ATP8B1: variants seen among roughly 807,000 people sequenced by gnomAD.
ATP8B1 encodes the protein phospholipid-transporting ATPase IC.
ATP8B1 carries 80 observed loss-of-function variants against 149.9 expected under a neutral mutation model. The ratio of observed to expected loss-of-function variants is 0.53; its 90% CI spans 0.45 to 0.64. The LOEUF (loss-of-function observed/expected upper bound fraction) is 0.64, where lower values mean the gene tolerates loss of function less well. Among genes scored for constraint, ATP8B1 ranks in the 30% least tolerant of loss-of-function variants. The pLI is 0.00. For synonymous variants in ATP8B1, 536 were observed against 562.8 expected (o/e 0.95, Z 0.67); for missense variants, 1,247 against 1,552.6 (o/e 0.80, Z 3.31).
At chr18:57,668,120 G>A in intron 19 of ATP8B1, 2 of 1,345,820 alleles carry the variant, frequency 1.5e-6, no homozygotes, top group Non-Finnish European at 1.9e-6. Flanking sequence ...GAAGGACAGA[G>A]GGACAAGAGG....
At chr18:57,762,409 G>T (rs958788885) in intron 1 of ATP8B1, among the ~76,000 whole-genome samples, 7 of 152,124 alleles carry the variant, frequency 4.6e-5, no homozygotes, top group African/African-American at 1.7e-4. Flanking sequence ...GAAGTGCTGA[G>T]ATTACAGGTG....
chr18:57,745,820 C>T (rs149664622), intron 1 of ATP8B1, among the ~76,000 whole-genome samples: 105 of 152,116 alleles, frequency 6.9e-4, no homozygotes, highest in African/African-American at 2.4e-3. Flanking sequence ...CCACAACTGG[C>T]TAATATTTTG....
chr18:57,670,086 C>T (rs1465504544), intron 17 of ATP8B1, among the ~76,000 whole-genome samples: 1 of 152,136 alleles, frequency 6.6e-6, no homozygotes, highest in Admixed American at 6.5e-5. Flanking sequence ...TTTTTCTCTT[C>T]ATGACTAGGA....
At chr18:57,764,853 T>C (rs996746618) in intron 1 of ATP8B1, among the ~76,000 whole-genome samples, 1 of 149,692 alleles carries the variant, frequency 6.7e-6, no homozygotes. Flanking sequence ...TATAAAACGG[T>C]GTAGCCACTG....
At chr18:57,783,477 A>T (rs2080376379) in intron 1 of ATP8B1, among the ~76,000 whole-genome samples, 1 of 152,164 alleles carries the variant, frequency 6.6e-6, no homozygotes, top group African/African-American at 2.4e-5. Flanking sequence ...AATATCGAAT[A>T]TGCCTGGTAG....
In ATP8B1 at chr18:57,697,857, C is replaced by T; in HGVS notation, c.565G>A (p.Ala189Thr). The change falls in exon 7 of 28, where the codon GCT becomes ACT. Residue 189 changes from alanine (A) to threonine (T), a missense_variant. Ala to Thr is a moderately conservative substitution (Grantham distance 58, BLOSUM62 0). Around this residue, in one of 3 missense-constraint regions of ATP8B1, gnomAD observed 853 missense variants for 1,035.7 expected, o/e 0.82. Transcript: ENST00000648908. ...CCAACTTGAATTTCTTTCCACTTAG[C>T]AACTTTGAACCTAAGGATTAAAAAT... ...EVIKDGRFKV[A>T]KWKEIQVGDV... The T allele has an allele frequency of 1.2e-6, 2 of 1,612,894 alleles. No homozygotes were observed. The highest frequency in any genetic ancestry group is 4.5e-5 in the East Asian group (2 of 44,880).
intron 1 of ATP8B1, among the ~76,000 whole-genome samples, chr18:57,743,316 C>T (rs575978363): frequency 6.6e-6 from 1 of 152,246 alleles, no homozygotes; most frequent in South Asian, 2.1e-4. Context: ...AGAGCCTGCT[C>T]TCCACTCCCA....
At chr18:57,724,123 G>A (rs1306921756) in intron 2 of ATP8B1, among the ~76,000 whole-genome samples, 49 of 151,320 alleles carry the variant, frequency 3.2e-4, no homozygotes, top group African/African-American at 1.1e-3. Flanking sequence ...AGATTTAAAC[G>A]TTAGACCTAA....
In ATP8B1 at chr18:57,648,352, G is replaced by T; in HGVS notation, c.*136C>A. On this transcript the variant is annotated 3_prime_UTR_variant, in exon 28 of 28. Transcript: ENST00000648908. ...ATTGTTTAATAGTCCAACCCAAGGA[G>T]TTTGTTATAAAGATTATTTATTGTC... 9.4e-7 allele frequency: 1 copy of T among 1,058,222 alleles called. No individual in the cohort carries two copies. The highest frequency in any genetic ancestry group is 1.4e-6 in the Non-Finnish European group (1 of 705,792). The allele number at this position is 1,058,222 out of a possible 1,614,324, so 65.6% of individuals were successfully genotyped here. A position where few individuals can be genotyped will look rare whatever the true frequency, so the allele number is the denominator to read the frequency against.
At chr18:57,789,413 A>G (rs1311984452) in intron 1 of ATP8B1, among the ~76,000 whole-genome samples, 4 of 152,186 alleles carry the variant, frequency 2.6e-5, no homozygotes, top group East Asian at 1.9e-4. Context: ...CTTTGCTTGC[A>G]AAAAGAGACC....
At chr18:57,799,805 T>G (rs1008962331) in intron 1 of ATP8B1, among the ~76,000 whole-genome samples, 26 of 152,176 alleles carry the variant, frequency 1.7e-4, no homozygotes, top group African/African-American at 5.8e-4. Flanking sequence ...CACATATATA[T>G]GCTTTCAGAA....
At chr18:57,675,767 A>G (rs1051553806) in intron 15 of ATP8B1, among the ~76,000 whole-genome samples, 2 of 152,108 alleles carry the variant, frequency 1.3e-5, no homozygotes. Flanking sequence ...GTGCAGTGGC[A>G]CGATCATGGC....
intron 1 of ATP8B1, among the ~76,000 whole-genome samples, chr18:57,745,376 A>T (rs537185512): frequency 6.6e-6 from 1 of 152,204 alleles, no homozygotes; most frequent in South Asian, 2.1e-4. Context: ...GGCTCAAGCA[A>T]TTCTCCTGCC....
At chr18:57,780,320 A>G (rs935894167) in intron 1 of ATP8B1, among the ~76,000 whole-genome samples, 14 of 152,372 alleles carry the variant, frequency 9.2e-5, no homozygotes, top group African/African-American at 3.4e-4. Flanking sequence ...AATTACTCTA[A>G]ACCTAACTGA....
Position 57,652,725 on chromosome 18 carries a change from AC to A in ATP8B1, c.3019del (p.Val1007Ter). ...GAATCGGAGGCTCAGTTTGTCACTC[AC>A]ATCCTTAAGGAGAAAACAAAATGAT... The part of the protein sequence containing the change: ...VLLMGLLDQD[V>X]SDKLSLRFPG... On this transcript the variant is annotated frameshift_variant, in exon 25 of 28. Coordinates refer to ENST00000648908, the MANE Select transcript of ATP8B1 (RefSeq NM_001374385.1). LOFTEE classifies it high-confidence loss of function. 1 of 1,614,208 alleles carries A rather than the reference AC, an allele frequency of 6.2e-7. No homozygotes were observed. The highest frequency in any genetic ancestry group is 8.5e-7 in the Non-Finnish European group (1 of 1,180,026).
At chr18:57,689,843 C>T (rs529466468) in intron 12 of ATP8B1, among the ~76,000 whole-genome samples, 190 of 152,144 alleles carry the variant, frequency 1.2e-3, no homozygotes, top group Non-Finnish European at 2.5e-3. Flanking sequence ...TGGTGAAACC[C>T]CGTCTCTACT....
intron 16 of ATP8B1, among the ~76,000 whole-genome samples, chr18:57,673,535 T>TA (rs1555690304): frequency 6.6e-6 from 1 of 152,064 alleles, no homozygotes; most frequent in African/African-American, 2.4e-5. Flanking sequence ...TTTCTTTTTT[T>TA]ATCATGTAAT....
At position 57,719,999 on chromosome 18, in the gene ATP8B1, A is replaced by G. The variant is rs1599152872; in HGVS notation, c.181+11628T>C. Reference sequence around the variant, plus strand: ...CAGCAGGGGCACACTGACACCTCACACGGCAGGGTATTCCAACAGACCTGC... The same window carrying G: ...CAGCAGGGGCACACTGACACCTCACGCGGCAGGGTATTCCAACAGACCTGC... On this transcript the variant is annotated intron_variant, in intron 2 of 27. Transcript: ENST00000648908. Among the ~76,000 whole-genome samples the G allele has an allele frequency of 2.0e-5, 3 of 152,084 alleles. No individual in the cohort carries two copies. In the South Asian group the frequency reaches 6.2e-4, roughly 32 times the overall value.
chr18:57,701,320 G>T lies in ATP8B1; in HGVS notation c.394-7C>A. ...TAGAGATTTGAGGAACTGCCTAAAAGAATAAAAGGGCTTATGTGTGTGTCC... is the reference window on the plus strand; with the variant it reads ...TAGAGATTTGAGGAACTGCCTAAAATAATAAAAGGGCTTATGTGTGTGTCC... On this transcript the variant is annotated splice_region_variant and splice_polypyrimidine_tract_variant and intron_variant, in intron 4 of 27. Coordinates refer to ENST00000648908, the MANE Select transcript of ATP8B1 (RefSeq NM_001374385.1). 1 of 1,609,798 alleles carries T rather than the reference G, an allele frequency of 6.2e-7. No individual in the cohort carries two copies. The highest frequency in any genetic ancestry group is 8.5e-7 in the Non-Finnish European group (1 of 1,176,062).
Sources: allele counts gnomAD v4.1 joint callset (sites outside exome capture counted in the v4.1 genomes callset), GRCh38; gene constraint gnomAD v4.1.1; regional missense constraint gnomAD v4.1.1; transcripts MANE v1.5; gene names NCBI Gene and HGNC (gene_info 2026-07-23, HGNC 2026-07-21).